APBB2: variants seen among roughly 807,000 people sequenced by gnomAD.
APBB2 encodes amyloid beta precursor protein binding family B member 2.
Under a neutral mutation model 82.5 loss-of-function variants are expected in APBB2, and 38 were observed. That is an observed-to-expected ratio of 0.46 (90% confidence interval 0.36 to 0.60). The LOEUF is 0.60. APBB2 is among the 20% of genes least tolerant of loss of function. The pLI is 0.00. For synonymous variants in APBB2, 341 were observed against 368.2 expected, an observed-to-expected ratio of 0.93 and a Z score of 0.85; for missense variants, 772 against 972.3, an observed-to-expected ratio of 0.79 and a Z score of 2.74.
chr4:40,892,595 T>C (rs1367647523), intron 11 of APBB2: 1 of 152,196 alleles, frequency 6.6e-6, no homozygotes, highest in African/African-American at 2.4e-5. Context: ...GCAAACACTA[T>C]TCCAAGATGC....
intron 7 of APBB2, among the ~76,000 whole-genome samples, chr4:40,936,163 T>C (rs1785319497): frequency 6.6e-6 from 1 of 152,238 alleles, no homozygotes; most frequent in African/African-American, 2.4e-5. Flanking sequence ...CCATAACTTT[T>C]ACTCACAACA....
intron 12 of APBB2, among the ~76,000 whole-genome samples, chr4:40,844,268 C>T (rs1379001637): frequency 6.6e-6 from 1 of 152,188 alleles, no homozygotes; most frequent in Non-Finnish European, 1.5e-5. Flanking sequence ...CACTGTGTTA[C>T]ATGGTATGCC....
chr4:41,019,205 G>T lies in APBB2; in HGVS notation c.20-4807C>A, dbSNP rs145764872. On this transcript the variant is annotated intron_variant, in intron 5 of 17. Coordinates refer to ENST00000508593, the MANE Select transcript of APBB2 (RefSeq NM_004307.2). ...CGGGAGGGACTTTATACTTTTTAAA[G>T]ATGAGATTCTTAGTTATGGTTTATT... Among the ~76,000 whole-genome samples, 42 of 152,296 alleles carry T rather than the reference G, an allele frequency of 2.8e-4. No individual in the cohort carries two copies. In the East Asian group the frequency reaches 5.6e-3, roughly 20 times the overall value.
At chr4:41,206,678 T>A (rs1035456275) in intron 1 of APBB2, among the ~76,000 whole-genome samples, 4 of 152,338 alleles carry the variant, frequency 2.6e-5, no homozygotes, top group Admixed American at 6.5e-5. Flanking sequence ...GATCATTTCT[T>A]GAAATGTCAA....
intron 3 of APBB2, among the ~76,000 whole-genome samples, chr4:41,099,884 T>A (rs185886516): frequency 1.3e-5 from 2 of 152,326 alleles, no homozygotes; most frequent in East Asian, 3.9e-4. Flanking sequence ...TGCACGTGCA[T>A]ATTTTATTTT....
chr4:41,021,953 G>C (rs1320305310), intron 5 of APBB2, among the ~76,000 whole-genome samples: 1 of 152,100 alleles, frequency 6.6e-6, no homozygotes, highest in Non-Finnish European at 1.5e-5. Flanking sequence ...CTTCACTCCT[G>C]AAGTCAGCGA....
At chr4:41,163,379 C>A (rs910019546) in intron 1 of APBB2, among the ~76,000 whole-genome samples, 1 of 152,140 alleles carries the variant, frequency 6.6e-6, no homozygotes, top group Non-Finnish European at 1.5e-5. Flanking sequence ...TTTCAATAAT[C>A]CACCTGATGG....
chr4:41,045,528 G>A (rs1451862360), intron 4 of APBB2, among the ~76,000 whole-genome samples: 1 of 152,136 alleles, frequency 6.6e-6, no homozygotes, highest in African/African-American at 2.4e-5. Context: ...TCCTGACCTC[G>A]TGATCCACCC....
chr4:41,183,346 G>A (rs1034861342), intron 1 of APBB2, among the ~76,000 whole-genome samples: 2 of 152,032 alleles, frequency 1.3e-5, no homozygotes, highest in African/African-American at 2.4e-5. Context: ...ACCCATTGAC[G>A]GCTTTCCACC....
At chr4:41,080,503 CACA>C (rs1416530286) in intron 3 of APBB2, among the ~76,000 whole-genome samples, 3 of 152,052 alleles carry the variant, frequency 2.0e-5, no homozygotes, top group Admixed American at 1.3e-4. Flanking sequence ...GTTAGCTGTA[CACA>C]ACAAGATCAT....
intron 1 of APBB2, among the ~76,000 whole-genome samples, chr4:41,143,711 C>T (rs181216922): frequency 2.0e-5 from 3 of 152,318 alleles, no homozygotes; most frequent in African/African-American, 7.2e-5. Flanking sequence ...AATATATTTA[C>T]ATTGCAATAT....
chr4:40,876,937 A>T (rs1012307212), intron 12 of APBB2, among the ~76,000 whole-genome samples: 5 of 152,178 alleles, frequency 3.3e-5, no homozygotes, highest in Non-Finnish European at 5.9e-5. Flanking sequence ...TGTCAATATG[A>T]CAGCCTGTTT....
intron 1 of APBB2, among the ~76,000 whole-genome samples, chr4:41,210,901 A>G (rs1030843960): frequency 3.9e-5 from 6 of 152,258 alleles, no homozygotes; most frequent in African/African-American, 1.2e-4. Context: ...ATTTATGCAT[A>G]GATGCTTACA....
intron 4 of APBB2, among the ~76,000 whole-genome samples, chr4:41,043,701 AT>A (rs1722354148): frequency 1.3e-5 from 2 of 152,206 alleles, no homozygotes; most frequent in African/African-American, 4.8e-5. Context: ...ATTTATGGTA[AT>A]CAGTTCCTGG....
chr4:40,893,461 C>T, intron 10 of APBB2, 50 bp from the exon 11 acceptor site: 1 of 1,556,116 alleles, frequency 6.4e-7, no homozygotes, highest in African/African-American at 1.4e-5. Flanking sequence ...TTTGGTCAAT[C>T]ATATCAGTTT....
chr4:41,015,097 C>T (rs1405303276), intron 5 of APBB2, among the ~76,000 whole-genome samples: 2 of 152,214 alleles, frequency 1.3e-5, no homozygotes, highest in East Asian at 3.8e-4. Context: ...CTACAGACAA[C>T]ATGTTAGAGC....
At chr4:41,105,528 T>C (rs551404906) in intron 2 of APBB2, among the ~76,000 whole-genome samples, 19 of 152,338 alleles carry the variant, frequency 1.2e-4, no homozygotes, top group African/African-American at 4.1e-4. Flanking sequence ...AATTTTGAAA[T>C]TCCTGGCTTT....
intron 12 of APBB2, among the ~76,000 whole-genome samples, chr4:40,859,565 G>A (rs1193080997): frequency 2.0e-5 from 3 of 152,238 alleles, no homozygotes; most frequent in Admixed American, 1.3e-4. Context: ...GTTCTCACAG[G>A]AGCCACACCT....
chr4:41,057,101 A>T (rs531380930), intron 4 of APBB2, among the ~76,000 whole-genome samples: 1 of 152,346 alleles, frequency 6.6e-6, no homozygotes, highest in South Asian at 2.1e-4. Flanking sequence ...TATTTTCCAT[A>T]AAATCAAAAA....
Sources: gnomAD v4.1 joint callset for allele counts (sites outside exome capture counted in the v4.1 genomes callset) on GRCh38, gnomAD v4.1.1 for gene constraint, MANE v1.5 for transcripts, NCBI Gene and HGNC (gene_info 2026-07-23, HGNC 2026-07-21) for gene names.